ACSM2A: variants seen among roughly 807,000 people sequenced by gnomAD.
The protein encoded by ACSM2A is acyl-CoA synthetase medium chain family member 2A, also known as acyl-coenzyme A synthetase ACSM2A, mitochondrial.
Under a neutral mutation model 76.6 loss-of-function variants are expected in ACSM2A, and 72 were observed. The ratio of observed to expected loss-of-function variants is 0.94; its 90% confidence interval spans 0.78 to 1.14. ACSM2A has a LOEUF of 1.14. Among genes scored for constraint, ACSM2A ranks in the 50% most tolerant of loss-of-function variants. The pLI, the probability that ACSM2A is intolerant of heterozygous loss-of-function variation, is 0.00. For missense variants in ACSM2A, 684 were observed against 708.5 expected, an observed-to-expected ratio of 0.97 and a Z score of 0.39; for synonymous variants, 249 against 255.9, an observed-to-expected ratio of 0.97 and a Z score of 0.26.
In ACSM2A at chr16:20,454,840, C is replaced by G. The variant is rs542231953; in HGVS notation, c.-9+3159C>G. ...CTCCTAATTTACCTGAGAAAGTATT[C>G]AGAAGGGCAATTATTAAGCTAATCA... On this transcript the variant is annotated intron_variant, in intron 1 of 13. Coordinates refer to ENST00000573854, the MANE Select transcript of ACSM2A (RefSeq NM_001308172.2). Among the ~76,000 whole-genome samples, 105 of 150,300 alleles carry G rather than the reference C, an allele frequency of 7.0e-4. 3 individuals carry two copies. The highest frequency in any genetic ancestry group is 2.5e-3 in the African/African-American group (102 of 40,762).
chr16:20,476,352 TCTC>T (rs1167684701), intron 8 of ACSM2A: 1 of 980,836 alleles, frequency 1.0e-6, no homozygotes, highest in Non-Finnish European at 1.2e-6. Context: ...CAACTCTTCT[TCTC>T]CTTTTTCCAG....
intron 1 of ACSM2A, among the ~76,000 whole-genome samples, chr16:20,454,938 A>G (rs1362800295): frequency 1.3e-5 from 2 of 151,842 alleles, no homozygotes; most frequent in Non-Finnish European, 1.5e-5. Context: ...AGAAATCTTC[A>G]GTGAAATAGA....
At chr16:20,472,876 C>T (rs2013503799) in intron 6 of ACSM2A, among the ~76,000 whole-genome samples, 1 of 152,128 alleles carries the variant, frequency 6.6e-6, no homozygotes, top group Admixed American at 6.6e-5. Flanking sequence ...GTTCCCCCAT[C>T]CTATTGTTAA....
rs534659594 is a variant in ACSM2A at position 20,460,289 on chromosome 16, A to C, written c.175A>C (p.Lys59Gln). ...DVLDHWADME[K>Q]AGKRLPSPAL... ...GTTGGATCACTGGGCTGACATGGAG[A>C]AGGTAATGGGGTGGAAAAGAGGCAC... Residue 59 changes from lysine (K) to glutamine (Q), a missense_variant and splice_region_variant, in exon 2 of 14, where the codon AAG becomes CAG. Physicochemically the swap from Lys to Gln is moderately conservative, Grantham distance 53. Transcript: ENST00000573854. 4.3e-6 allele frequency: 7 copies of C among 1,613,644 alleles called. No individual in the cohort carries two copies. The East Asian group carries it at 1.6e-4, about 36-fold the overall frequency.
At position 20,480,565 on chromosome 16, in the gene ACSM2A, G is replaced by A. The variant is rs758115021; in HGVS notation, c.1282-8G>A. ...GGCACAATGACTCTGTCTTTCTGTG[G>A]TCACCAGGACAATCCCGACAAGACA... On this transcript the variant is annotated splice_polypyrimidine_tract_variant and splice_region_variant and intron_variant, in intron 10 of 13. Transcript: ENST00000573854. 17 of 1,613,086 alleles carry A rather than the reference G, an allele frequency of 1.1e-5. No individual in the cohort carries two copies. The highest frequency in any genetic ancestry group is 4.0e-5 in the African/African-American group (3 of 74,906).
At chr16:20,474,428 C>T (rs981050282) in intron 6 of ACSM2A, among the ~76,000 whole-genome samples, 1 of 152,038 alleles carries the variant, frequency 6.6e-6, no homozygotes, top group Non-Finnish European at 1.5e-5. Context: ...AATGTGATGC[C>T]CCGACCCTCC....
At chr16:20,466,029 T>C (rs2141709543) in intron 3 of ACSM2A, among the ~76,000 whole-genome samples, 1 of 152,270 alleles carries the variant, frequency 6.6e-6, no homozygotes, top group Non-Finnish European at 1.5e-5. Context: ...ATAATTGGTA[T>C]GAGAATTCTA....
At chr16:20,469,827 C>T in intron 4 of ACSM2A, 108 bp downstream of exon 4, 1 of 1,304,350 alleles carries the variant, frequency 7.7e-7, no homozygotes, top group Non-Finnish European at 1.1e-6. Flanking sequence ...CAGCATGGGA[C>T]TAGGAAGAGT....
At chr16:20,486,102 C>A (rs2014370877) in intron 13 of ACSM2A, among the ~76,000 whole-genome samples, 1 of 152,222 alleles carries the variant, frequency 6.6e-6, no homozygotes. Context: ...AGATTAATAA[C>A]CACAGCTAAT....
At chr16:20,477,486 G>C (rs764295116) in intron 9 of ACSM2A, 37 bp downstream of exon 9, 2 of 1,573,644 alleles carry the variant, frequency 1.3e-6, no homozygotes, top group Non-Finnish European at 1.7e-6. Flanking sequence ...GAAGTTAGGG[G>C]AAACACTGAT....
chr16:20,460,080 C>T (rs779230327), intron 1 of ACSM2A, 27 bp from the exon 2 acceptor site: 36 of 1,584,496 alleles, frequency 2.3e-5, no homozygotes, highest in Admixed American at 1.2e-4. Flanking sequence ...AAGAAGCTCT[C>T]ACCTGTGTCT....
intron 12 of ACSM2A, chr16:20,481,169 T>C (rs977451858): frequency 3.9e-6 from 2 of 512,802 alleles, no homozygotes; most frequent in African/African-American, 3.8e-5. Context: ...AGTATGGTGA[T>C]TTCTAAAAAA....
chr16:20,454,357 G>T (rs534525270), intron 1 of ACSM2A, among the ~76,000 whole-genome samples: 1 of 151,928 alleles, frequency 6.6e-6, no homozygotes, highest in Admixed American at 6.6e-5. Flanking sequence ...GGTGAAGCTG[G>T]GGTCACTGAC....
chr16:20,475,865 T>A (rs1713986650), intron 8 of ACSM2A, 92 bp downstream of exon 8: 1 of 1,579,728 alleles, frequency 6.3e-7, no homozygotes, highest in African/African-American at 1.4e-5. Context: ...CCATGTATCA[T>A]TCATCTATTC....
intron 11 of ACSM2A, 60 bp from the exon 12 acceptor site, chr16:20,480,762 T>C: frequency 6.2e-7 from 1 of 1,613,108 alleles, no homozygotes; most frequent in South Asian, 1.1e-5. Flanking sequence ...GGTTCCAGAC[T>C]TCTGGAATGG....
intron 12 of ACSM2A, 198 bp from the exon 13 acceptor site, chr16:20,482,860 C>T (rs2014162121): frequency 7.0e-6 from 5 of 715,034 alleles, no homozygotes; most frequent in Non-Finnish European, 1.1e-5. Context: ...TGTCCACCTG[C>T]TCCTCCAATA....
In ACSM2A at chr16:20,483,052, T is replaced by C; in HGVS notation, c.1510-6T>C. ...CCCTTCTCTCTGGCCTTCATCTTTTTTGCAGGTGGTGAAGGCATTTGTGGT... is the reference window on the plus strand; with the variant it reads ...CCCTTCTCTCTGGCCTTCATCTTTTCTGCAGGTGGTGAAGGCATTTGTGGT... On this transcript the variant is annotated splice_polypyrimidine_tract_variant and splice_region_variant and intron_variant, in intron 12 of 13. Coordinates refer to ENST00000573854, the MANE Select transcript of ACSM2A (RefSeq NM_001308172.2). The C allele has an allele frequency of 1.2e-6, 2 of 1,613,514 alleles. No homozygotes were observed. Among genetic ancestry groups the C allele is most frequent in the Non-Finnish European group, 1.7e-6 (2 of 1,179,584 alleles).
Position 20,460,165 on chromosome 16 carries a change from G to C in ACSM2A, c.51G>C (p.Gln17His), listed in dbSNP as rs137947890. 4,780 of 1,613,146 alleles carry C rather than the reference G, an allele frequency of 3.0e-3. 112 individuals carry two copies. The African/African-American group carries it at 0.054, about 18-fold the overall frequency. The change falls in exon 2 of 14, where the codon CAG becomes CAC. Residue 17 changes from glutamine to histidine, a missense_variant. By Grantham distance (24) the Gln-to-His change is conservative (BLOSUM62 0). Coordinates refer to ENST00000573854, the MANE Select transcript of ACSM2A (RefSeq NM_001308172.2). The stretch of plus-strand genomic sequence containing the variant: ...GACTTTGCACCCTGTGGGGTACTCA[G>C]ATGTCCAGCCGCACTCTCTACATTA... Reference protein sequence around the residue: ...VQGLCTLWGTQMSSRTLYINS... With the variant: ...VQGLCTLWGTHMSSRTLYINS...
In ACSM2A at chr16:20,478,657, G is replaced by C. The variant is rs1459940290; in HGVS notation, c.1261G>C (p.Gly421Arg). 8.1e-6 allele frequency: 13 copies of C among 1,613,220 alleles called. No individual in the cohort carries two copies. Among genetic ancestry groups the C allele is most frequent in the Non-Finnish European group, 1.0e-5 (12 of 1,179,402 alleles). ...GIRVKPIRPI[G>R]IFSGYVDNPD... ...CAGGGTCAAACCCATCAGGCCTATA[G>C]GCATCTTCTCTGGCTATGTGGTGAG... Residue 421 changes from glycine to arginine, a missense_variant, in exon 10 of 14, where the codon GGC becomes CGC. Physicochemically the swap from Gly to Arg is moderately radical, Grantham distance 125. Around this residue, in one of 3 missense-constraint regions of ACSM2A, gnomAD observed 519 missense variants for 549.5 expected, o/e 0.94. Coordinates refer to ENST00000573854, the MANE Select transcript of ACSM2A (RefSeq NM_001308172.2).
Sources: allele counts gnomAD v4.1 joint callset (sites outside exome capture counted in the v4.1 genomes callset), GRCh38; gene constraint gnomAD v4.1.1; regional missense constraint gnomAD v4.1.1; transcripts MANE v1.5; gene names NCBI Gene and HGNC (gene_info 2026-07-23, HGNC 2026-07-21).